Variants in USP44 observed in about 807,000 individuals in gnomAD.
USP44 encodes the protein ubiquitin specific peptidase 44.
Under a neutral mutation model 69.0 loss-of-function variants are expected in USP44, and 61 were observed. That is an observed-to-expected ratio of 0.88 (90% CI 0.72 to 1.09). USP44 has a LOEUF of 1.09. Ranked by LOEUF, USP44 falls within the 50% of genes least tolerant of loss-of-function variation. USP44 has a pLI of 0.00. For synonymous variants in USP44, 297 were observed against 295.4 expected (o/e 1.01, Z -0.06); for missense variants, 753 against 849.9 (o/e 0.89, Z 1.42).
At chr12:95,530,849 G>T (rs1365270432) in intron 2 of USP44, among the ~76,000 whole-genome samples, 1 of 152,012 alleles carries the variant, frequency 6.6e-6, no homozygotes, top group African/African-American at 2.4e-5. Flanking sequence ...CAACAATAGG[G>T]GAATGGTTAA....
At chr12:95,543,267 G>A (rs539543756) in intron 1 of USP44, among the ~76,000 whole-genome samples, 15 of 151,182 alleles carry the variant, frequency 9.9e-5, no homozygotes, top group Non-Finnish European at 1.6e-4. Context: ...CGGGCGTGGT[G>A]GCACGCATCT....
At position 95,517,209 on chromosome 12, in the gene USP44, A is replaced by G. The variant is rs2076500737; in HGVS notation, c.*945T>C. 1 of 151,946 alleles carries G rather than the reference A, an allele frequency of 6.6e-6. No individual in the cohort carries two copies. The highest frequency in any genetic ancestry group is 2.1e-4 in the South Asian group (1 of 4,824). The allele number at this position is 151,946 out of a possible 1,614,324, so 9.4% of individuals were successfully genotyped here. On this transcript the variant is annotated 3_prime_UTR_variant, in exon 6 of 6. Transcript: ENST00000258499. ...CTTTAGTTATTTAGAATGAGATGCTAGACATAATAATAGTCCAGTTGCCAA... is the reference window on the plus strand; with the variant it reads ...CTTTAGTTATTTAGAATGAGATGCTGGACATAATAATAGTCCAGTTGCCAA...
chr12:95,540,655 T>C (rs1415139548), intron 1 of USP44, among the ~76,000 whole-genome samples: 1 of 152,174 alleles, frequency 6.6e-6, no homozygotes. Context: ...CCCTCCCATC[T>C]TTTTTACTAC....
At position 95,548,614 on chromosome 12, in the gene USP44, C is replaced by T. The variant is rs1216666553; in HGVS notation, c.-71+2658G>A. ...TCATTCCCTTCCGCGCGCCCGCAGC[C>T]CCAGGCTCTCCCTCTCTCAGGACCC... On this transcript the variant is annotated intron_variant, in intron 1 of 5. Transcript: ENST00000258499. This position sits in a 1 kb window ranked among gnomAD's most constrained non-coding sequence, Gnocchi z 4.1. 6.6e-6 allele frequency: 1 copy of T among 152,612 alleles called. No individual in the cohort carries two copies. The highest frequency in any genetic ancestry group is 6.5e-5 in the Admixed American group (1 of 15,280). The allele number at this position is 152,612 out of a possible 1,614,324, so 9.5% of individuals were successfully genotyped here.
chr12:95,543,966 C>CAAAAAAAAAAAAAAAA (rs760105964), intron 1 of USP44, among the ~76,000 whole-genome samples: 1 of 47,682 alleles, frequency 2.1e-5, no homozygotes, highest in African/African-American at 7.0e-5. Context: ...GACTGCATCT[C>CAAAAAAAAAAAAAAAA]AAAAAAAAAA....
Position 95,524,753 on chromosome 12 carries a change from G to C in USP44, c.1660C>G (p.Leu554Val), listed in dbSNP as rs2076780704. 6.2e-7 allele frequency: 1 copy of C among 1,612,332 alleles called. No homozygotes were observed. The highest frequency in any genetic ancestry group is 1.7e-5 in the Admixed American group (1 of 59,590). The change falls in exon 4 of 6, where the codon CTC becomes GTC. Residue 554 changes from leucine to valine, a missense_variant. Leu to Val is a conservative substitution (Grantham distance 32, BLOSUM62 1). Transcript: ENST00000258499. ...RRRFSSKPVV[L>V]TEAQKQLMIC... ...ATAAGTTGTTTCTGGGCTTCTGTGA[G>C]TACAACTGGTTTGGAGGAAAACCTT... is the stretch of plus-strand genomic sequence containing the variant.
Position 95,541,076 on chromosome 12 carries a change from A to G in USP44, c.-70-6750T>C, listed in dbSNP as rs895827610. ...GGGCGGATCACGAGGTCAGGAGTTC[A>G]AGACCAGCCTGGTCAACATGGTGAA... On this transcript the variant is annotated intron_variant, in intron 1 of 5. Transcript: ENST00000258499. Among the ~76,000 whole-genome samples the G allele has an allele frequency of 2.0e-5, 3 of 152,244 alleles. No individual in the cohort carries two copies. In the South Asian group the frequency reaches 6.2e-4, roughly 32 times the overall value.
intron 1 of USP44, among the ~76,000 whole-genome samples, chr12:95,545,524 T>G (rs906551511): frequency 6.6e-6 from 1 of 152,184 alleles, no homozygotes; most frequent in African/African-American, 2.4e-5. Context: ...CACAATGCAT[T>G]TGGATAAGAA....
rs916261332 is a variant in USP44 at position 95,537,874 on chromosome 12, A to T, written c.-70-3548T>A. Among the ~76,000 whole-genome samples the T allele has an allele frequency of 5.3e-5, 8 of 152,288 alleles. No individual in the cohort carries two copies. In the South Asian group the frequency reaches 1.5e-3, roughly 28 times the overall value. Reference sequence around the variant, plus strand: ...CATGTTTTAAATAAAAACAGCTCAGATAGTGTTAAGTATGTGCTAAATTGT... The same window carrying T: ...CATGTTTTAAATAAAAACAGCTCAGTTAGTGTTAAGTATGTGCTAAATTGT... On this transcript the variant is annotated intron_variant, in intron 1 of 5. Coordinates refer to ENST00000258499, the MANE Select transcript of USP44 (RefSeq NM_032147.5).
rs1374027051 is a variant in USP44, at chr12:95,521,217, G to T, written c.1734-15C>A. 4 of 1,613,754 alleles carry T rather than the reference G, an allele frequency of 2.5e-6. No individual in the cohort carries two copies. Among genetic ancestry groups the T allele is most frequent in the Non-Finnish European group, 3.4e-6 (4 of 1,179,676 alleles). On this transcript the variant is annotated splice_polypyrimidine_tract_variant and intron_variant, in intron 4 of 5. Coordinates refer to ENST00000258499, the MANE Select transcript of USP44 (RefSeq NM_032147.5). Reference sequence around the variant, plus strand: ...GTCCTGACCACCTGTGAACAAACCAGTGTAAAATTATCCACACAATTAAGG... The same window carrying T: ...GTCCTGACCACCTGTGAACAAACCATTGTAAAATTATCCACACAATTAAGG...
At chr12:95,545,722 G>C (rs962164917) in intron 1 of USP44, among the ~76,000 whole-genome samples, 1 of 152,160 alleles carries the variant, frequency 6.6e-6, no homozygotes, top group African/African-American at 2.4e-5. Flanking sequence ...ATTTTTGAAT[G>C]AACAAATTAC....
chr12:95,534,680 T>C (rs1050041578), intron 1 of USP44, among the ~76,000 whole-genome samples: 1 of 90,912 alleles, frequency 1.1e-5, no homozygotes, highest in Admixed American at 2.0e-4. Flanking sequence ...GCATTCCCTT[T>C]TTTTTTTTTT....
chr12:95,542,169 CT>C (rs879806975), intron 1 of USP44, among the ~76,000 whole-genome samples: 4 of 152,184 alleles, frequency 2.6e-5, no homozygotes, highest in Admixed American at 6.5e-5. Flanking sequence ...GCATGAGACA[CT>C]ATGCCCAGCC....
chr12:95,520,250 T>C (rs1196871798), intron 5 of USP44, among the ~76,000 whole-genome samples: 1 of 151,734 alleles, frequency 6.6e-6, no homozygotes, highest in Non-Finnish European at 1.5e-5. Context: ...CCCACCACTT[T>C]GGGAGGCCGA....
intron 4 of USP44, among the ~76,000 whole-genome samples, chr12:95,522,887 G>T (rs2076712954): frequency 6.6e-6 from 1 of 151,840 alleles, no homozygotes; most frequent in Admixed American, 6.6e-5. Flanking sequence ...GGAAAGACCC[G>T]GGAATGACTA....
At position 95,548,802 on chromosome 12, in the gene USP44, C is replaced by T. The variant is rs149511367; in HGVS notation, c.-71+2470G>A. The T allele has an allele frequency of 0.11, 16,264 of 152,034 alleles. 1,158 individuals are homozygous for T. Among genetic ancestry groups the T allele is most frequent in the South Asian group, 0.18 (884 of 4,828 alleles). The allele number at this position is 152,034 out of a possible 1,614,324, so 9.4% of individuals were successfully genotyped here. On this transcript the variant is annotated intron_variant, in intron 1 of 5. Coordinates refer to ENST00000258499, the MANE Select transcript of USP44 (RefSeq NM_032147.5). The surrounding 1 kb of genome is among the most constrained non-coding windows in gnomAD (Gnocchi z 4.1). ...GAGCCGGGGCGGCCATCTTAGCGCT[C>T]ACCCCGGCCCCCCGCCCCCCGGTTC...
intron 1 of USP44, among the ~76,000 whole-genome samples, chr12:95,543,737 C>T (rs1045453683): frequency 1.1e-4 from 16 of 151,722 alleles, no homozygotes; most frequent in Non-Finnish European, 2.1e-4. Flanking sequence ...GAGGCTGAGG[C>T]GGGCAGATCA....
chr12:95,537,843 AAAT>A (rs983589974), intron 1 of USP44, among the ~76,000 whole-genome samples: 2 of 152,138 alleles, frequency 1.3e-5, no homozygotes, highest in Admixed American at 6.5e-5. Flanking sequence ...AAAATTGTAA[AAAT>A]AACATGTTTT....
In USP44 at chr12:95,535,610, T is replaced by C. The variant is rs181643479; in HGVS notation, c.-70-1284A>G. On this transcript the variant is annotated intron_variant, in intron 1 of 5. Coordinates refer to ENST00000258499, the MANE Select transcript of USP44 (RefSeq NM_032147.5). ...AAGCTTATTTTTTTAAAAAAGCTTA[T>C]GTGATTTTTGACACAGAACTTGTTC... Among the ~76,000 whole-genome samples the C allele has an allele frequency of 4.6e-3, 707 of 152,330 alleles. 7 individuals are homozygous for C. Among genetic ancestry groups the C allele is most frequent in the African/African-American group, 0.016 (677 of 41,572 alleles).
Sources: gnomAD v4.1 joint callset for allele counts (sites outside exome capture counted in the v4.1 genomes callset) on GRCh38, gnomAD v4.1.1 for gene constraint, Gnocchi (gnomAD v3.1) non-coding constraint, MANE v1.5 for transcripts, NCBI Gene and HGNC (gene_info 2026-07-23, HGNC 2026-07-21) for gene names.